Variants in CCNY observed in about 807,000 individuals in gnomAD.
The protein encoded by CCNY is cyclin Y.
A neutral mutation model predicts 42.8 loss-of-function variants in CCNY; 19 were observed. That is an observed-to-expected ratio of 0.44 (90% confidence interval 0.31 to 0.65). CCNY has a LOEUF of 0.65. Among genes scored for constraint, CCNY ranks in the 30% least tolerant of loss-of-function variants. CCNY has a pLI of 0.07. For synonymous variants in CCNY, 165 were observed against 162.7 expected (o/e 1.01, Z -0.11); for missense variants, 370 against 437.3 (o/e 0.85, Z 1.37).
At chr10:35,301,083 T>C (rs758971191) in intron 3 of CCNY, among the ~76,000 whole-genome samples, 1 of 152,084 alleles carries the variant, frequency 6.6e-6, no homozygotes, top group Non-Finnish European at 1.5e-5. Context: ...GCTGGGATTA[T>C]AGGGGTGAGC....
At chr10:35,358,122 G>T (rs988910253) in intron 1 of CCNY, among the ~76,000 whole-genome samples, 1 of 151,128 alleles carries the variant, frequency 6.6e-6, no homozygotes, top group Non-Finnish European at 1.5e-5. Flanking sequence ...TTTGCCCCCC[G>T]CAAGAAGTAT....
chr10:35,556,606 C>T (rs921900842), intron 8 of CCNY, among the ~76,000 whole-genome samples: 1 of 152,138 alleles, frequency 6.6e-6, no homozygotes, highest in African/African-American at 2.4e-5. Flanking sequence ...CGTTTTCCCC[C>T]TGACAGAAGA....
intron 8 of CCNY, among the ~76,000 whole-genome samples, chr10:35,554,156 A>G (rs750966701): frequency 2.4e-4 from 37 of 151,968 alleles, no homozygotes; most frequent in Non-Finnish European, 4.7e-4. Flanking sequence ...GCCTGTGACA[A>G]CTACCACTGC....
intron 2 of CCNY, among the ~76,000 whole-genome samples, chr10:35,499,130 T>G (rs534170536): frequency 6.3e-4 from 96 of 152,252 alleles, no homozygotes; most frequent in African/African-American, 2.2e-3. Flanking sequence ...GTAGTTTTTT[T>G]TTTGTTTGTT....
chr10:35,370,958 G>A (rs368639651), intron 1 of CCNY, among the ~76,000 whole-genome samples: 2 of 152,092 alleles, frequency 1.3e-5, no homozygotes, highest in South Asian at 2.1e-4. Flanking sequence ...CCAGTGATCC[G>A]TCCGCCTCGG....
chr10:35,255,523 T>C (rs7905768), intron 3 of CCNY, among the ~76,000 whole-genome samples: 55,218 of 151,290 alleles, frequency 0.36, 10,469 homozygotes, highest in African/African-American at 0.47. Flanking sequence ...GTCTTGAACT[T>C]CTGACCTCAG....
intron 1 of CCNY, among the ~76,000 whole-genome samples, chr10:35,410,979 G>T (rs1271148062): frequency 6.6e-6 from 1 of 152,230 alleles, no homozygotes; most frequent in Non-Finnish European, 1.5e-5. Context: ...TAATGGTGGT[G>T]TGTGAAGGGT....
intron 3 of CCNY, among the ~76,000 whole-genome samples, chr10:35,281,000 C>G (rs1476661538): frequency 6.6e-6 from 1 of 152,188 alleles, no homozygotes; most frequent in African/African-American, 2.4e-5. Context: ...AAAAGTTGCT[C>G]TACCTCATTA....
At chr10:35,312,655 C>T (rs1405292327) in intron 3 of CCNY, among the ~76,000 whole-genome samples, 2 of 151,946 alleles carry the variant, frequency 1.3e-5, no homozygotes, top group Admixed American at 1.3e-4. Context: ...TGCCTCTGCC[C>T]CCCATCTTGT....
rs150990426 is a variant in CCNY, at chr10:35,541,651, C to T, written c.580-11368C>T. Among the ~76,000 whole-genome samples, 11 of 152,316 alleles carry T rather than the reference C, an allele frequency of 7.2e-5. No individual in the cohort carries two copies. In the South Asian group the frequency reaches 8.3e-4, roughly 11 times the overall value. On this transcript the variant is annotated intron_variant, in intron 7 of 9. Transcript: ENST00000374704. ...CTGTCGTCAAGTGACTCTTCCTCCT[C>T]GGCCTCCCAGAGTGCTAGGATTACA...
chr10:35,320,915 G>A (rs1222956533), intron 3 of CCNY: 3 of 152,056 alleles, frequency 2.0e-5, no homozygotes, highest in Non-Finnish European at 4.4e-5. Flanking sequence ...GCTGAGAAGG[G>A]AAGATCACTT....
At chr10:35,493,572 C>T (rs1259175728) in intron 2 of CCNY, among the ~76,000 whole-genome samples, 1 of 152,210 alleles carries the variant, frequency 6.6e-6, no homozygotes, top group African/African-American at 2.4e-5. Context: ...TAATCTGATG[C>T]AGTCACCATG....
chr10:35,502,172 C>T (rs1840123638), intron 3 of CCNY, among the ~76,000 whole-genome samples: 1 of 152,214 alleles, frequency 6.6e-6, no homozygotes, highest in East Asian at 1.9e-4. Flanking sequence ...ATGTAGCTGG[C>T]TGGCTCCAGC....
intron 3 of CCNY, among the ~76,000 whole-genome samples, chr10:35,321,848 C>A (rs1835825909): frequency 6.6e-6 from 1 of 152,170 alleles, no homozygotes. Flanking sequence ...AAAGGATCAA[C>A]ATTTGGATCA....
chr10:35,459,724 T>C (rs778757715), intron 1 of CCNY, among the ~76,000 whole-genome samples: 22 of 152,316 alleles, frequency 1.4e-4, no homozygotes, highest in Non-Finnish European at 2.4e-4. Flanking sequence ...CTGTAGAGCA[T>C]ACTCTCATTG....
At chr10:35,300,670 G>C (rs1835523297) in intron 3 of CCNY, among the ~76,000 whole-genome samples, 2 of 152,034 alleles carry the variant, frequency 1.3e-5, no homozygotes, top group South Asian at 2.1e-4. Flanking sequence ...CTTAACAACT[G>C]CTTTACTCAG....
chr10:35,534,891 T>C (rs1341424806), intron 7 of CCNY, among the ~76,000 whole-genome samples: 4 of 151,810 alleles, frequency 2.6e-5, no homozygotes, highest in South Asian at 2.1e-4. Context: ...GATTCATCCA[T>C]GTTGTAGCAT....
chr10:35,387,367 G>T (rs1005844245), intron 1 of CCNY, among the ~76,000 whole-genome samples: 1 of 152,212 alleles, frequency 6.6e-6, no homozygotes, highest in Non-Finnish European at 1.5e-5. Flanking sequence ...TCAGGGTTCT[G>T]CCCCTTCTGG....
At chr10:35,284,284 T>C (rs1835330252) in intron 3 of CCNY, among the ~76,000 whole-genome samples, 1 of 152,058 alleles carries the variant, frequency 6.6e-6, no homozygotes, top group African/African-American at 2.4e-5. Context: ...CTGCCCAGGT[T>C]TGCAGATGTG....
Sources: gnomAD v4.1 joint callset for allele counts (sites outside exome capture counted in the v4.1 genomes callset) on GRCh38, gnomAD v4.1.1 for gene constraint, MANE v1.5 for transcripts, NCBI Gene and HGNC (gene_info 2026-07-23, HGNC 2026-07-21) for gene names.